Variants in METTL25 observed in about 807,000 individuals in gnomAD.
METTL25 encodes probable methyltransferase-like protein 25.
In METTL25, 64 loss-of-function variants were observed where a neutral mutation model predicts 71.6. That is an observed-to-expected ratio of 0.89 (90% confidence interval 0.73 to 1.10). METTL25 has a LOEUF of 1.10. METTL25 is among the 50% of genes least tolerant of loss of function. The pLI is 0.00. For synonymous variants in METTL25, 287 were observed against 250.3 expected (o/e 1.15, Z -1.38); for missense variants, 807 against 707.0 (o/e 1.14, Z -1.60).
In METTL25 at chr12:82,358,783, C is replaced by T. The variant is rs1391698848; in HGVS notation, c.218C>T (p.Pro73Leu). The part of the protein sequence containing the change: ...RKSASETEAL[P>L]SETRPLVEAE... Reference sequence around the variant, plus strand: ...TCAGCGTCGGAGACGGAGGCCCTGCCCTCAGAGACGCGCCCCCTAGTGGAA... The same window carrying T: ...TCAGCGTCGGAGACGGAGGCCCTGCTCTCAGAGACGCGCCCCCTAGTGGAA... Residue 73 changes from proline (P) to leucine (L), a missense_variant, in exon 1 of 12, where the codon CCC (proline) becomes CTC (leucine). By Grantham distance (98) the Pro-to-Leu change is moderately conservative (BLOSUM62 -3). Coordinates refer to ENST00000248306, the MANE Select transcript of METTL25 (RefSeq NM_032230.3). 8 of 1,613,584 alleles carry T rather than the reference C, an allele frequency of 5.0e-6. No individual in the cohort carries two copies. The highest frequency in any genetic ancestry group is 2.2e-5 in the East Asian group (1 of 44,870).
intron 7 of METTL25, among the ~76,000 whole-genome samples, chr12:82,437,291 G>T (rs1889989699): frequency 6.6e-6 from 1 of 151,650 alleles, no homozygotes; most frequent in Admixed American, 6.6e-5. Context: ...ATGTATATGA[G>T]TCTACCTTCA....
Position 82,404,963 on chromosome 12 carries a change from A to T in METTL25, c.1279+1833A>T, listed in dbSNP as rs1886963437. The stretch of plus-strand genomic sequence containing the variant: ...CCATCTCAAAAGAAAAAAAAAAAAA[A>T]TTAGAGTCACTATCCTTACACTACA... On this transcript the variant is annotated intron_variant, in intron 5 of 11. Transcript: ENST00000248306. Among the ~76,000 whole-genome samples, 4 of 142,980 alleles carry T rather than the reference A, an allele frequency of 2.8e-5. No homozygotes were observed. The Admixed American group carries it at 2.8e-4, about 10-fold the overall frequency. The allele number at this position is 142,980 out of a possible 152,430, so 93.8% of individuals were successfully genotyped here. A position where few individuals can be genotyped will look rare whatever the true frequency, so the allele number is the denominator to read the frequency against.
At chr12:82,416,911 A>C (rs1395402608) in intron 5 of METTL25, among the ~76,000 whole-genome samples, 1 of 152,100 alleles carries the variant, frequency 6.6e-6, no homozygotes. Context: ...CCTTATTTAA[A>C]ACCTGAAATG....
chr12:82,410,868 G>T (rs956892325), intron 5 of METTL25, among the ~76,000 whole-genome samples: 3 of 152,068 alleles, frequency 2.0e-5, no homozygotes, highest in African/African-American at 7.2e-5. Flanking sequence ...ATGAGACAAA[G>T]CCATCTTCAG....
chr12:82,416,571 G>T (rs1018581996), intron 5 of METTL25, among the ~76,000 whole-genome samples: 2 of 151,388 alleles, frequency 1.3e-5, no homozygotes, highest in Non-Finnish European at 2.9e-5. Flanking sequence ...TTCCCAAGTA[G>T]CTGGGACTAC....
At chr12:82,394,609 A>G (rs1885913360) in intron 3 of METTL25, among the ~76,000 whole-genome samples, 1 of 152,022 alleles carries the variant, frequency 6.6e-6, no homozygotes, top group African/African-American at 2.4e-5. Flanking sequence ...CTGAGGGTGC[A>G]TCAGTGAACA....
chr12:82,442,486 A>G (rs547149544), intron 8 of METTL25, among the ~76,000 whole-genome samples: 1 of 152,284 alleles, frequency 6.6e-6, no homozygotes, highest in Admixed American at 6.6e-5. Context: ...CCAAAAGGTT[A>G]TATACCATAT....
At chr12:82,478,880 A>T in intron 11 of METTL25, 52 bp from the exon 12 acceptor site, 5 of 1,443,978 alleles carry the variant, frequency 3.5e-6, no homozygotes, top group African/African-American at 1.4e-5. Flanking sequence ...CTCGCGTCTA[A>T]TTTTTTTCTT....
At chr12:82,463,247 C>T (rs998281859) in intron 9 of METTL25, among the ~76,000 whole-genome samples, 2 of 151,958 alleles carry the variant, frequency 1.3e-5, no homozygotes, top group African/African-American at 4.8e-5. Flanking sequence ...CCTTCCAAGC[C>T]TCTGGGATCC....
intron 8 of METTL25, among the ~76,000 whole-genome samples, chr12:82,444,000 C>T (rs148992554): frequency 2.0e-5 from 3 of 152,214 alleles, no homozygotes; most frequent in African/African-American, 7.2e-5. Context: ...TGAAAAAGTG[C>T]AGAGGATAGA....
intron 8 of METTL25, among the ~76,000 whole-genome samples, chr12:82,446,625 T>G (rs1354502730): frequency 6.6e-5 from 10 of 151,078 alleles, no homozygotes; most frequent in African/African-American, 2.2e-4. Flanking sequence ...TTTTTTTTTT[T>G]TTTGTTTTTG....
At chr12:82,404,041 AC>A (rs1886868238) in intron 5 of METTL25, among the ~76,000 whole-genome samples, 2 of 152,136 alleles carry the variant, frequency 1.3e-5, no homozygotes, top group African/African-American at 4.8e-5. Flanking sequence ...CAGGAGGTAA[AC>A]ATTGTAATTG....
chr12:82,406,365 A>G (rs531197361), intron 5 of METTL25, among the ~76,000 whole-genome samples: 71 of 152,258 alleles, frequency 4.7e-4, no homozygotes, highest in African/African-American at 1.7e-3. Flanking sequence ...TTTTTTATGT[A>G]TCTTTCTAGA....
intron 9 of METTL25, among the ~76,000 whole-genome samples, chr12:82,461,302 A>C (rs1019000277): frequency 1.4e-4 from 21 of 152,196 alleles, no homozygotes; most frequent in African/African-American, 3.9e-4. Context: ...ACGTTTATCA[A>C]ACCTTTGCTT....
chr12:82,376,755 A>G (rs774384014), intron 1 of METTL25, among the ~76,000 whole-genome samples: 1 of 152,226 alleles, frequency 6.6e-6, no homozygotes, highest in Non-Finnish European at 1.5e-5. Context: ...TTATTGTTAA[A>G]TTATCTTTAA....
At chr12:82,375,392 A>G (rs976339053) in intron 1 of METTL25, among the ~76,000 whole-genome samples, 3 of 152,054 alleles carry the variant, frequency 2.0e-5, no homozygotes, top group East Asian at 1.9e-4. Flanking sequence ...TGTACCAACT[A>G]TGCTGGCGAT....
chr12:82,358,727 ACCGGAGACAGTG>A lies in METTL25; in HGVS notation c.164_175del (p.Pro55_Val58del). 1.2e-6 allele frequency: 2 copies of A among 1,614,060 alleles called. No homozygotes were observed. The highest frequency in any genetic ancestry group is 1.7e-5 in the Admixed American group (1 of 60,024). On this transcript the variant is annotated inframe_deletion, in exon 1 of 12. Transcript: ENST00000248306. ...TGTGGGAGGAGCTGGTCGACTTGCC[ACCGGAGACAGTG>A]CTGGCTGCGCTGAGGAAGTCAGCGT... is the stretch of plus-strand genomic sequence containing the variant.
At chr12:82,435,581 A>C (rs1220706662) in intron 7 of METTL25, among the ~76,000 whole-genome samples, 1 of 151,356 alleles carries the variant, frequency 6.6e-6, no homozygotes, top group East Asian at 1.9e-4. Context: ...TTTAGTTACA[A>C]ACTACTGGTT....
intron 1 of METTL25, among the ~76,000 whole-genome samples, chr12:82,381,684 G>A (rs1281673273): frequency 2.6e-5 from 4 of 152,148 alleles, no homozygotes; most frequent in African/African-American, 9.7e-5. Context: ...AGTTCAATAA[G>A]ACAGACTTTA....
Sources: gnomAD v4.1 joint callset for allele counts (sites outside exome capture counted in the v4.1 genomes callset) on GRCh38, gnomAD v4.1.1 for gene constraint, MANE v1.5 for transcripts, NCBI Gene and HGNC (gene_info 2026-07-23, HGNC 2026-07-21) for gene names.